The following ZSWIM5 variants were observed in gnomAD, a reference collection of about 807,000 sequenced individuals.
The protein encoded by ZSWIM5 is zinc finger SWIM domain-containing protein 5.
A neutral mutation model predicts 119.6 loss-of-function variants in ZSWIM5; 55 were observed. The observed-to-expected ratio is 0.46, with a 90% CI of 0.37 to 0.58. The LOEUF is 0.58. Ranked by LOEUF, ZSWIM5 falls within the 20% of genes least tolerant of loss-of-function variation. The pLI is 0.00. For missense variants in ZSWIM5, 1,193 were observed against 1,512.8 expected (o/e 0.79, Z 3.51); for synonymous variants, 537 against 606.9 (o/e 0.88, Z 1.69).
intron 1 of ZSWIM5, among the ~76,000 whole-genome samples, chr1:45,096,833 G>C (rs984985412): frequency 2.0e-5 from 3 of 152,068 alleles, no homozygotes; most frequent in Admixed American, 1.3e-4. Flanking sequence ...TATCACACTG[G>C]CTGTGACATC....
chr1:45,087,855 T>C (rs1645340550), intron 2 of ZSWIM5, 26 bp downstream of exon 2: 4 of 1,543,232 alleles, frequency 2.6e-6, no homozygotes, highest in Non-Finnish European at 3.5e-6. Context: ...AGACCTTTTT[T>C]TTCAATAAAA....
chr1:45,129,180 A>G (rs1393754874), intron 1 of ZSWIM5, among the ~76,000 whole-genome samples: 1 of 52,026 alleles, frequency 1.9e-5, no homozygotes, highest in Non-Finnish European at 3.6e-5. Context: ...TTTTTTTTTG[A>G]GACAGAGTCT....
intron 1 of ZSWIM5, among the ~76,000 whole-genome samples, chr1:45,107,076 C>G (rs1015455017): frequency 3.9e-5 from 6 of 152,132 alleles, no homozygotes; most frequent in Admixed American, 2.0e-4. Context: ...CAAACAGGGC[C>G]GAAGGCCACA....
chr1:45,170,394 GAAATGTTATAC>G (rs1212453873), intron 1 of ZSWIM5, among the ~76,000 whole-genome samples: 1 of 150,328 alleles, frequency 6.7e-6, no homozygotes, highest in Non-Finnish European at 1.5e-5. Flanking sequence ...ATTTTAGGAG[GAAATGTTATAC>G]AAACAAAGGC....
intron 11 of ZSWIM5, among the ~76,000 whole-genome samples, chr1:45,025,448 C>A (rs1205324620): frequency 2.6e-5 from 4 of 152,212 alleles, no homozygotes; most frequent in African/African-American, 9.7e-5. Context: ...TATCCATGAA[C>A]ATGGACCATT....
intron 1 of ZSWIM5, among the ~76,000 whole-genome samples, chr1:45,151,148 T>C (rs1243129761): frequency 6.6e-6 from 1 of 152,186 alleles, no homozygotes; most frequent in East Asian, 1.9e-4. Flanking sequence ...GCCTCAGCAC[T>C]ACTTATTTCC....
intron 1 of ZSWIM5, among the ~76,000 whole-genome samples, chr1:45,133,726 G>T (rs983393703): frequency 4.6e-4 from 70 of 152,164 alleles, no homozygotes; most frequent in African/African-American, 1.7e-3. Flanking sequence ...TTTTCTTCTA[G>T]GGTTTTTATG....
chr1:45,052,062 CG>C (rs1303129094), intron 4 of ZSWIM5, among the ~76,000 whole-genome samples: 1 of 145,110 alleles, frequency 6.9e-6, no homozygotes, highest in African/African-American at 2.6e-5. Context: ...TGAGATGGGG[CG>C]ATCTTGGCTC....
chr1:45,031,236 G>C (rs1222661815), intron 11 of ZSWIM5, among the ~76,000 whole-genome samples: 3 of 135,984 alleles, frequency 2.2e-5, no homozygotes, highest in Non-Finnish European at 3.0e-5. Context: ...GAGGGCAGTG[G>C]TGTGATCTTG....
intron 1 of ZSWIM5, among the ~76,000 whole-genome samples, chr1:45,093,912 C>T (rs952778897): frequency 4.3e-4 from 64 of 148,964 alleles, no homozygotes; most frequent in African/African-American, 1.3e-3. Context: ...GGTGCGACCA[C>T]GGCTTGCTGC....
At chr1:45,046,631 G>GGT (rs1553189325) in intron 5 of ZSWIM5, among the ~76,000 whole-genome samples, 1 of 96,258 alleles carries the variant, frequency 1.0e-5, no homozygotes, top group Non-Finnish European at 2.0e-5. Flanking sequence ...GTCTGGGCAA[G>GGT]ATATGTGTGT....
At chr1:45,092,930 G>A (rs988644847) in intron 1 of ZSWIM5, among the ~76,000 whole-genome samples, 1 of 152,164 alleles carries the variant, frequency 6.6e-6, no homozygotes, top group Admixed American at 6.5e-5. Flanking sequence ...CCAATTCCTT[G>A]AAATAAATCC....
At chr1:45,095,177 G>C (rs375291683) in intron 1 of ZSWIM5, among the ~76,000 whole-genome samples, 3 of 151,828 alleles carry the variant, frequency 2.0e-5, no homozygotes, top group East Asian at 3.9e-4. Flanking sequence ...GCCCAAGCTG[G>C]AGTGCAGTGG....
chr1:45,199,973 A>G (rs1417692672), intron 1 of ZSWIM5, among the ~76,000 whole-genome samples: 3 of 152,242 alleles, frequency 2.0e-5, no homozygotes, highest in Non-Finnish European at 4.4e-5. Context: ...AGCTTCAAGG[A>G]TAATTTTTAT....
chr1:45,193,211 T>TC (rs1170805967), intron 1 of ZSWIM5, among the ~76,000 whole-genome samples: 1 of 152,128 alleles, frequency 6.6e-6, no homozygotes, highest in Non-Finnish European at 1.5e-5. Flanking sequence ...TCCACCCCAA[T>TC]CCCCAACACA....
chr1:45,171,974 T>TTCAG (rs1456404718), intron 1 of ZSWIM5, among the ~76,000 whole-genome samples: 1 of 152,120 alleles, frequency 6.6e-6, no homozygotes, highest in Non-Finnish European at 1.5e-5. Context: ...TTCATATTTA[T>TTCAG]TCAGTCTCTG....
chr1:45,180,022 T>C (rs1216837056), intron 1 of ZSWIM5, among the ~76,000 whole-genome samples: 2 of 152,096 alleles, frequency 1.3e-5, no homozygotes, highest in Non-Finnish European at 2.9e-5. Flanking sequence ...GACGGGTGAT[T>C]TCTGCATTTC....
intron 1 of ZSWIM5, among the ~76,000 whole-genome samples, chr1:45,204,506 A>C (rs904461636): frequency 1.3e-5 from 2 of 152,250 alleles, no homozygotes; most frequent in African/African-American, 4.8e-5. Flanking sequence ...CACATTTGCA[A>C]AACAAGTTGT....
intron 5 of ZSWIM5, among the ~76,000 whole-genome samples, chr1:45,047,636 AG>A: frequency 6.6e-6 from 1 of 152,314 alleles, no homozygotes; most frequent in East Asian, 1.9e-4. Context: ...CCTAGATAAA[AG>A]TGATGTAATA....
Sources: allele counts gnomAD v4.1 joint callset (sites outside exome capture counted in the v4.1 genomes callset), GRCh38; gene constraint gnomAD v4.1.1; transcripts MANE v1.5; gene names NCBI Gene and HGNC (gene_info 2026-07-23, HGNC 2026-07-21).